The following ROBO1 variants were observed in gnomAD, a reference collection of about 807,000 sequenced individuals.
ROBO1 encodes the protein roundabout homolog 1.
Under a neutral mutation model 195.9 loss-of-function variants are expected in ROBO1, and 149 were observed. The observed-to-expected ratio is 0.76, with a 90% CI of 0.67 to 0.87. The LOEUF is 0.87. Among genes scored for constraint, ROBO1 ranks in the 40% least tolerant of loss-of-function variants. The pLI is 0.00. For synonymous variants in ROBO1, 816 were observed against 733.2 expected (o/e 1.11, Z -1.82); for missense variants, 1,933 against 2,068.3 (o/e 0.93, Z 1.27).
At chr3:79,002,970 T>A (rs182703435) in intron 3 of ROBO1, among the ~76,000 whole-genome samples, 29 of 152,244 alleles carry the variant, frequency 1.9e-4, no homozygotes, top group African/African-American at 5.5e-4. Flanking sequence ...AAACCTCGAT[T>A]CCCCAATGCT....
intron 2 of ROBO1, among the ~76,000 whole-genome samples, chr3:79,314,473 A>G (rs1311818914): frequency 6.6e-6 from 1 of 152,312 alleles, no homozygotes; most frequent in African/African-American, 2.4e-5. Flanking sequence ...TTGCTGCCGC[A>G]TGTGAAGAAG....
chr3:79,625,146 A>G (rs985334888), intron 1 of ROBO1, among the ~76,000 whole-genome samples: 5 of 152,028 alleles, frequency 3.3e-5, no homozygotes, highest in Admixed American at 1.3e-4. Flanking sequence ...GTTCTTTGAA[A>G]CCAATGAGAA....
At chr3:79,479,397 G>A (rs1418495034) in intron 2 of ROBO1, among the ~76,000 whole-genome samples, 1 of 152,154 alleles carries the variant, frequency 6.6e-6, no homozygotes, top group East Asian at 1.9e-4. Flanking sequence ...TGAATGTCCC[G>A]CCTTTCTGAC....
intron 4 of ROBO1, among the ~76,000 whole-genome samples, chr3:78,843,327 C>T (rs1339680862): frequency 6.6e-6 from 1 of 152,034 alleles, no homozygotes; most frequent in East Asian, 1.9e-4. Flanking sequence ...GACTGAGACT[C>T]GCCTTTAATA....
At chr3:79,465,403 C>T (rs1014951215) in intron 2 of ROBO1, among the ~76,000 whole-genome samples, 15 of 152,170 alleles carry the variant, frequency 9.9e-5, no homozygotes, top group African/African-American at 2.6e-4. Flanking sequence ...TTGTTGGTTA[C>T]GCATTTTTGT....
chr3:79,692,244 G>C (rs991446935), intron 1 of ROBO1, among the ~76,000 whole-genome samples: 1 of 151,840 alleles, frequency 6.6e-6, no homozygotes, highest in Non-Finnish European at 1.5e-5. Flanking sequence ...AGGCAAAGCT[G>C]GAGAGTTAAG....
intron 3 of ROBO1, among the ~76,000 whole-genome samples, chr3:79,070,745 T>C (rs2079074154): frequency 6.6e-6 from 1 of 151,776 alleles, no homozygotes; most frequent in Admixed American, 6.6e-5. Flanking sequence ...CTCTTTATCT[T>C]TGGAAAATTC....
At chr3:79,408,321 A>C (rs1478389925) in intron 2 of ROBO1, among the ~76,000 whole-genome samples, 2 of 151,918 alleles carry the variant, frequency 1.3e-5, no homozygotes, top group Non-Finnish European at 2.9e-5. Context: ...CTGAAGGAAA[A>C]GTTTTCTTTA....
chr3:79,392,797 C>T (rs1013517574), intron 2 of ROBO1, among the ~76,000 whole-genome samples: 5 of 152,106 alleles, frequency 3.3e-5, no homozygotes, highest in Non-Finnish European at 7.4e-5. Context: ...GAAAATACTG[C>T]AGATTATTTA....
At chr3:78,866,444 T>C (rs540710869) in intron 4 of ROBO1, among the ~76,000 whole-genome samples, 3 of 152,328 alleles carry the variant, frequency 2.0e-5, no homozygotes, top group South Asian at 4.1e-4. Flanking sequence ...AAGAAATCTG[T>C]TTTGCCTCTA....
At chr3:79,018,391 G>T (rs1445400250) in intron 3 of ROBO1, 1 of 1,613,864 alleles carries the variant, frequency 6.2e-7, no homozygotes, top group Non-Finnish European at 8.5e-7. Context: ...GGTGAAGAAA[G>T]AAGACGCGGG....
intron 3 of ROBO1, among the ~76,000 whole-genome samples, chr3:79,070,594 T>C (rs1164652441): frequency 1.3e-5 from 2 of 151,890 alleles, no homozygotes; most frequent in African/African-American, 4.8e-5. Context: ...CAGTCCTTTG[T>C]GGATAATCTC....
In ROBO1 at chr3:78,716,156, C is replaced by G. The variant is rs138817246; in HGVS notation, c.917+1119G>C. On this transcript the variant is annotated intron_variant, in intron 7 of 30. Transcript: ENST00000464233. ...CTTATGTGTCATGATTCTTTCAGAA[C>G]TCTCTCCCAAATTCAAATTCCCCCC... Among the ~76,000 whole-genome samples, 7 of 152,298 alleles carry G rather than the reference C, an allele frequency of 4.6e-5. No individual in the cohort carries two copies. In the East Asian group the frequency reaches 1.2e-3, roughly 25 times the overall value.
intron 3 of ROBO1, among the ~76,000 whole-genome samples, chr3:79,003,092 T>C (rs2077542181): frequency 6.6e-6 from 1 of 152,012 alleles, no homozygotes; most frequent in Admixed American, 6.6e-5. Context: ...AATGTGGGAG[T>C]GGGGAAGCAA....
intron 3 of ROBO1, among the ~76,000 whole-genome samples, chr3:79,064,686 A>T (rs1357514403): frequency 6.6e-6 from 1 of 151,866 alleles, no homozygotes; most frequent in African/African-American, 2.4e-5. Flanking sequence ...AAATCAAATT[A>T]CGTAATTTCT....
chr3:79,766,969 C>G (rs1185470799), intron 1 of ROBO1, among the ~76,000 whole-genome samples: 1 of 152,096 alleles, frequency 6.6e-6, no homozygotes, highest in Admixed American at 6.5e-5. Flanking sequence ...CATTCTTCCT[C>G]CTTCCCTCCC....
chr3:79,698,342 A>T (rs558917819), intron 1 of ROBO1, among the ~76,000 whole-genome samples: 135 of 151,572 alleles, frequency 8.9e-4, no homozygotes, highest in Middle Eastern at 6.8e-3. Context: ...TGCTCATTCT[A>T]CCTTTATTAT....
intron 3 of ROBO1, among the ~76,000 whole-genome samples, chr3:79,061,402 A>C (rs1279733066): frequency 2.0e-5 from 3 of 152,186 alleles, no homozygotes; most frequent in Non-Finnish European, 4.4e-5. Flanking sequence ...GGAAGAATCA[A>C]TATCATGAAA....
intron 1 of ROBO1, among the ~76,000 whole-genome samples, chr3:79,714,598 C>A (rs1396238376): frequency 6.6e-6 from 1 of 151,584 alleles, no homozygotes; most frequent in African/African-American, 2.4e-5. Flanking sequence ...TGGAACCAAC[C>A]CAAATGTCCA....
Sources: allele counts gnomAD v4.1 joint callset (sites outside exome capture counted in the v4.1 genomes callset), GRCh38; gene constraint gnomAD v4.1.1; transcripts MANE v1.5; gene names NCBI Gene and HGNC (gene_info 2026-07-23, HGNC 2026-07-21).